Variants in WDR7 observed in about 807,000 individuals in gnomAD.
WDR7 encodes the protein WD repeat domain 7.
Under a neutral mutation model 169.4 loss-of-function variants are expected in WDR7, and 46 were observed. The ratio of observed to expected loss-of-function variants is 0.27; its 90% confidence interval spans 0.21 to 0.35. The LOEUF is 0.35. Ranked by LOEUF, WDR7 falls within the 10% of genes least tolerant of loss-of-function variation. The probability of loss-of-function intolerance (pLI) is 1.00; values close to 1 mark genes in which losing one functional copy is unlikely to be tolerated. For synonymous variants in WDR7, 612 were observed against 666.8 expected (o/e 0.92, Z 1.27); for missense variants, 1,534 against 1,859.3 (o/e 0.83, Z 3.22).
In WDR7 at chr18:57,008,304, C is replaced by T. The variant is rs140541486; in HGVS notation, c.4165-12441C>T. On this transcript the variant is annotated intron_variant, in intron 26 of 27. Transcript: ENST00000254442. Reference sequence around the variant, plus strand: ...TCTTCCTTTCTGTTTCCCTCTTCTCCACCCTCTGCAGAATTTTCTTAAAAC... The same window carrying T: ...TCTTCCTTTCTGTTTCCCTCTTCTCTACCCTCTGCAGAATTTTCTTAAAAC... 2.9e-3 allele frequency among the ~76,000 whole-genome samples: 449 copies of T among 152,258 alleles called. 2 individuals carry two copies. The highest frequency in any genetic ancestry group is 0.01 in the African/African-American group (426 of 41,536).
At chr18:56,698,460 G>T (rs1460039501) in intron 12 of WDR7, among the ~76,000 whole-genome samples, 1 of 151,872 alleles carries the variant, frequency 6.6e-6, no homozygotes, top group Admixed American at 6.6e-5. Flanking sequence ...CAAAAAATTA[G>T]CTGGGCATGG....
intron 1 of WDR7, among the ~76,000 whole-genome samples, chr18:56,671,244 C>A (rs2025126781): frequency 6.6e-6 from 1 of 150,622 alleles, no homozygotes; most frequent in Non-Finnish European, 1.5e-5. Flanking sequence ...TCAGGCATAA[C>A]GGGTTTGGAG....
At chr18:56,998,855 T>A (rs191589158) in intron 26 of WDR7, among the ~76,000 whole-genome samples, 177 of 152,344 alleles carry the variant, frequency 1.2e-3, no homozygotes, top group African/African-American at 3.7e-3. Context: ...GCATATATTT[T>A]AAAAATTTAA....
chr18:56,994,711 T>C (rs957867770), intron 26 of WDR7, among the ~76,000 whole-genome samples: 1 of 152,232 alleles, frequency 6.6e-6, no homozygotes, highest in East Asian at 1.9e-4. Flanking sequence ...CATCTATCCA[T>C]GAACTATACC....
intron 26 of WDR7, among the ~76,000 whole-genome samples, chr18:56,979,754 A>T (rs2047615189): frequency 6.6e-6 from 1 of 150,548 alleles, no homozygotes; most frequent in South Asian, 2.1e-4. Context: ...ATATATTTCT[A>T]TTTAATTATT....
chr18:56,875,083 A>G (rs1284031022), intron 20 of WDR7, among the ~76,000 whole-genome samples: 1 of 152,176 alleles, frequency 6.6e-6, no homozygotes, highest in Admixed American at 6.5e-5. Flanking sequence ...CAGCTAAACA[A>G]TGGAATTTAA....
chr18:56,800,021 A>C (rs563169488), intron 19 of WDR7, among the ~76,000 whole-genome samples: 119 of 152,274 alleles, frequency 7.8e-4, no homozygotes, highest in African/African-American at 2.7e-3. Context: ...TTGTTTAAAA[A>C]TAGACTTTGC....
rs192299236 is a variant in WDR7 at position 57,029,365 on chromosome 18, T to G, written c.*2158T>G. On this transcript the variant is annotated 3_prime_UTR_variant, in exon 28 of 28. Coordinates refer to ENST00000254442, the MANE Select transcript of WDR7 (RefSeq NM_015285.3). The stretch of plus-strand genomic sequence containing the variant: ...GCAAAACCCTGGGGTGGACGATGTT[T>G]GATGATTAGACGGTCATCTCTAACT... The G allele has an allele frequency of 3.3e-5, 5 of 152,362 alleles. No homozygotes were observed. In the East Asian group the frequency reaches 9.6e-4, roughly 29 times the overall value. 9.4% of individuals were successfully genotyped at this position (152,362 alleles called of 1,614,324 possible). A position where few individuals can be genotyped will look rare whatever the true frequency, so the allele number is the denominator to read the frequency against.
intron 13 of WDR7, among the ~76,000 whole-genome samples, chr18:56,719,288 G>T (rs1280657952): frequency 1.3e-5 from 2 of 152,088 alleles, no homozygotes; most frequent in East Asian, 3.9e-4. Context: ...TGCTGGCCGG[G>T]CGCGGTGGCT....
chr18:56,900,842 G>A (rs2046392187), intron 21 of WDR7, among the ~76,000 whole-genome samples: 1 of 152,274 alleles, frequency 6.6e-6, no homozygotes, highest in East Asian at 1.9e-4. Context: ...AGCAGCTTGG[G>A]GAGGGAAGTG....
intron 19 of WDR7, among the ~76,000 whole-genome samples, chr18:56,801,976 T>G (rs1358602350): frequency 1.3e-5 from 2 of 152,188 alleles, no homozygotes; most frequent in Non-Finnish European, 1.5e-5. Context: ...TTTTTTCACT[T>G]GAGCAACTAC....
intron 20 of WDR7, among the ~76,000 whole-genome samples, chr18:56,835,133 T>C (rs952377826): frequency 6.6e-6 from 1 of 152,208 alleles, no homozygotes; most frequent in African/African-American, 2.4e-5. Flanking sequence ...TAAGAGGGTA[T>C]GTTCAAAAGT....
chr18:56,873,339 CTGTT>C (rs2045978165), intron 20 of WDR7, among the ~76,000 whole-genome samples: 1 of 152,120 alleles, frequency 6.6e-6, no homozygotes, highest in Non-Finnish European at 1.5e-5. Context: ...CAGAGGGTAC[CTGTT>C]ACAATTCTTT....
intron 1 of WDR7, among the ~76,000 whole-genome samples, chr18:56,653,264 T>G (rs2024695051): frequency 6.6e-6 from 1 of 152,088 alleles, no homozygotes; most frequent in Non-Finnish European, 1.5e-5. Context: ...TGGAGTGCAG[T>G]GGCGTGATCT....
chr18:56,857,846 T>C (rs548634177), intron 20 of WDR7, among the ~76,000 whole-genome samples: 1 of 152,208 alleles, frequency 6.6e-6, no homozygotes, highest in East Asian at 1.9e-4. Context: ...CCCAAAACGC[T>C]GTGTAGAGGT....
intron 2 of WDR7, among the ~76,000 whole-genome samples, chr18:56,673,332 A>C (rs1010969732): frequency 6.6e-6 from 1 of 152,228 alleles, no homozygotes; most frequent in African/African-American, 2.4e-5. Context: ...GGTAGCTGGT[A>C]TGGAATGTGG....
At chr18:56,892,591 TGTTTCATGCTAAAACA>T (rs1266285142) in intron 21 of WDR7, among the ~76,000 whole-genome samples, 1 of 152,134 alleles carries the variant, frequency 6.6e-6, no homozygotes, top group Non-Finnish European at 1.5e-5. Context: ...TATTAATGGT[TGTTTCATGCTAAAACA>T]GCAGAGTCAA....
chr18:56,687,041 A>G, intron 7 of WDR7, 67 bp downstream of exon 7: 1 of 1,398,786 alleles, frequency 7.1e-7, no homozygotes, highest in Non-Finnish European at 9.7e-7. Flanking sequence ...TCAGATTTCC[A>G]AAGAACCCTA....
intron 26 of WDR7, among the ~76,000 whole-genome samples, chr18:57,001,953 C>G (rs893599810): frequency 6.6e-6 from 1 of 152,064 alleles, no homozygotes; most frequent in Non-Finnish European, 1.5e-5. Context: ...ACACTGGAAC[C>G]GAAATTCTTT....
Sources: allele counts gnomAD v4.1 joint callset (sites outside exome capture counted in the v4.1 genomes callset), GRCh38; gene constraint gnomAD v4.1.1; transcripts MANE v1.5; gene names NCBI Gene and HGNC (gene_info 2026-07-23, HGNC 2026-07-21).